The following IRX4 variants were observed in gnomAD, a reference collection of about 807,000 sequenced individuals.
IRX4 encodes iroquois homeobox 4.
A neutral mutation model predicts 32.0 loss-of-function variants in IRX4; 22 were observed. That is an observed-to-expected ratio of 0.69 (90% CI 0.49 to 0.98). IRX4 has a LOEUF of 0.98. Among genes scored for constraint, IRX4 ranks in the 50% least tolerant of loss-of-function variants. IRX4 has a pLI of 0.00. For synonymous variants in IRX4, 379 were observed against 351.7 expected, an observed-to-expected ratio of 1.08 and a Z score of -0.87; for missense variants, 840 against 744.2, an observed-to-expected ratio of 1.13 and a Z score of -1.50.
Position 1,878,677 on chromosome 5 carries a change from G to GCCGT in IRX4, c.848_851dup (p.Gly285ArgfsTer82). 1 of 1,595,576 alleles carries GCCGT rather than the reference G, an allele frequency of 6.3e-7. No homozygotes were observed. The highest frequency in any genetic ancestry group is 8.5e-7 in the Non-Finnish European group (1 of 1,171,770). On this transcript the variant is annotated frameshift_variant, in exon 5 of 5. Coordinates refer to ENST00000231357, the MANE Select transcript of IRX4 (RefSeq NM_016358.3). LOFTEE classifies it low-confidence loss of function (END_TRUNC). ...GCGCGGCGGGGACGCGCTCCAGACC[G>GCCGT]CCGTCCAGGGAGTGGAAGGGCGGCT...
Position 1,880,837 on chromosome 5 carries a change from G to A in IRX4, c.298-3C>T. ...CCATCCTTGGAATCAAAGCTGTTCT[G>A]TGGGAGCCAAGAGTCTGGGGTCGCA... On this transcript the variant is annotated splice_polypyrimidine_tract_variant and splice_region_variant and intron_variant, in intron 2 of 4. Transcript: ENST00000231357. The A allele has an allele frequency of 6.2e-7, 1 of 1,612,372 alleles. No homozygotes were observed. The highest frequency in any genetic ancestry group is 8.5e-7 in the Non-Finnish European group (1 of 1,178,860).
At chr5:1,879,073 A>G (rs573264173) in intron 4 of IRX4, among the ~76,000 whole-genome samples, 1,708 of 149,882 alleles carry the variant, frequency 0.011, 28 homozygotes, top group African/African-American at 0.04. Flanking sequence ...CTCACTGCAA[A>G]CTCCGCCTCC....
At position 1,879,577 on chromosome 5, in the gene IRX4, G is replaced by T. The variant is rs372257029; in HGVS notation, c.663C>A (p.Tyr221Ter). 1 of 1,613,760 alleles carries T rather than the reference G, an allele frequency of 6.2e-7. No individual in the cohort carries two copies. The highest frequency in any genetic ancestry group is 8.5e-7 in the Non-Finnish European group (1 of 1,180,022). Residue 221 changes from tyrosine (Y) to a stop codon, truncating the protein, a stop_gained, in exon 4 of 5, where the codon TAC becomes TAA. Coordinates refer to ENST00000231357, the MANE Select transcript of IRX4 (RefSeq NM_016358.3). LOFTEE classifies it high-confidence loss of function. ...RNKCADEKRP[Y>*]AEGEEEEGGE... Reference sequence around the variant, plus strand: ...CCCCCTCCTCCTCCTCGCCCTCCGCGTAGGGCCGCTTCTCGTCTGCGCACT... The same window carrying T: ...CCCCCTCCTCCTCCTCGCCCTCCGCTTAGGGCCGCTTCTCGTCTGCGCACT...
In IRX4 at chr5:1,878,641, C is replaced by T. The variant is rs1240594064; in HGVS notation, c.888G>A (p.Pro296=). 3 of 1,590,920 alleles carry T rather than the reference C, an allele frequency of 1.9e-6. No homozygotes were observed. The highest frequency in any genetic ancestry group is 1.3e-5 in the African/African-American group (1 of 74,108). Residue 296 remains proline, a synonymous_variant, in exon 5 of 5, where the codon CCG becomes CCA. Coordinates refer to ENST00000231357, the MANE Select transcript of IRX4 (RefSeq NM_016358.3). ...LERVPAAPDG[P]VKEASGALRM... is the part of the protein sequence containing the mutation. ...GGAGCGCGCCTGAGGCCTCCTTGAC[C>T]GGGCCGTCGGGCGCGGCGGGGACGC...
chr5:1,880,908 C>T, intron 2 of IRX4, 74 bp from the exon 3 acceptor site: 4 of 1,133,946 alleles, frequency 3.5e-6, no homozygotes, highest in Non-Finnish European at 4.0e-6. Context: ...CTAGGAGCCC[C>T]CCACTCCCAA....
At chr5:1,879,399 C>T in intron 4 of IRX4, 105 bp downstream of exon 4, 1 of 1,556,328 alleles carries the variant, frequency 6.4e-7, no homozygotes, top group South Asian at 1.2e-5. Context: ...ACCGCCTAGG[C>T]ATGGGGCTCG....
chr5:1,882,240 G>C (rs1182255102), intron 1 of IRX4, among the ~76,000 whole-genome samples, 181 bp from the exon 2 acceptor site: 1 of 150,302 alleles, frequency 6.7e-6, no homozygotes, highest in East Asian at 2.0e-4. Flanking sequence ...CCTCCGCCAC[G>C]TGGGGCCCAG....
In IRX4 at chr5:1,878,003, A is replaced by G. The variant is rs1328460569; in HGVS notation, c.1526T>C (p.Leu509Pro). Residue 509 changes from leucine to proline, a missense_variant, in exon 5 of 5, where the codon CTG becomes CCG. Physicochemically the swap from Leu to Pro is moderately conservative, Grantham distance 98 (BLOSUM62 -3). Transcript: ENST00000231357. ...GAAGGGTTTGCCGCCGGCCTTGGGC[A>G]GGGCGAGCAGCTCCCTGGCGGCGCC... is the stretch of plus-strand genomic sequence containing the variant. ...AAGAARELLA[L>P]PKAGGKPFCA 6.6e-6 allele frequency: 10 copies of G among 1,505,716 alleles called. No individual in the cohort carries two copies. In the East Asian group the frequency reaches 2.6e-4, roughly 39 times the overall value. The allele number at this position is 1,505,716 out of a possible 1,614,324, so 93.3% of individuals were successfully genotyped here.
chr5:1,886,633 C>T (rs993739944), upstream of IRX4, among the ~76,000 whole-genome samples: 2 of 152,132 alleles, frequency 1.3e-5, no homozygotes, highest in African/African-American at 2.4e-5. Flanking sequence ...CCGCTTGCTC[C>T]CTGGGTACGG....
In IRX4 at chr5:1,878,462, G is replaced by T. The variant is rs1025952165; in HGVS notation, c.1067C>A (p.Ala356Glu). ...AGCCTCCAGGCCTGCCGACGCCCCC[G>T]CCGGCACAAACCCCAGCTTGGCCTC... is the stretch of plus-strand genomic sequence containing the variant. ...VCEAKLGFVP[A>E]GASAGLEAKP... Residue 356 changes from alanine to glutamate, a missense_variant, in exon 5 of 5, where the codon GCG becomes GAG. This residue lies in a region of IRX4 where 585 missense variants were observed against 488.0 expected (regional missense o/e 1.20). Coordinates refer to ENST00000231357, the MANE Select transcript of IRX4 (RefSeq NM_016358.3). The T allele has an allele frequency of 2.7e-6, 4 of 1,454,918 alleles. No homozygotes were observed. The East Asian group carries it at 1.0e-4, about 38-fold the overall frequency. The allele number at this position is 1,454,918 out of a possible 1,614,324, so 90.1% of individuals were successfully genotyped here.
rs753385487 is a variant in IRX4, at chr5:1,879,591, C to G, written c.649G>C (p.Glu217Gln). 21 of 1,613,838 alleles carry G rather than the reference C, an allele frequency of 1.3e-5. No individual in the cohort carries two copies. In the African/African-American group the frequency reaches 2.5e-4, roughly 19 times the overall value. The change falls in exon 4 of 5, where the codon GAG becomes CAG. Residue 217 changes from glutamate to glutamine, a missense_variant. This residue lies in a region of IRX4 where 585 missense variants were observed against 488.0 expected (regional missense o/e 1.20). Transcript: ENST00000231357. ...TWPPRNKCAD[E>Q]KRPYAEGEEE... ...TCGCCCTCCGCGTAGGGCCGCTTCT[C>G]GTCTGCGCACTTGTTCCGCGGCGGC... is the stretch of plus-strand genomic sequence containing the variant.
rs1235867868 is a variant in IRX4 at position 1,878,634 on chromosome 5, C to T, written c.895G>A (p.Glu299Lys). ...GACATCCGGAGCGCGCCTGAGGCCTCCTTGACCGGGCCGTCGGGCGCGGCG... is the reference window on the plus strand; with the variant it reads ...GACATCCGGAGCGCGCCTGAGGCCTTCTTGACCGGGCCGTCGGGCGCGGCG... Reference protein sequence around the residue: ...VPAAPDGPVKEASGALRMSLA... With the variant: ...VPAAPDGPVKKASGALRMSLA... Residue 299 changes from glutamate (E) to lysine (K), a missense_variant, in exon 5 of 5, where the codon GAG (glutamate) becomes AAG (lysine). By Grantham distance (56) the Glu-to-Lys change is moderately conservative (BLOSUM62 1). Transcript: ENST00000231357. 13 of 1,585,934 alleles carry T rather than the reference C, an allele frequency of 8.2e-6. No homozygotes were observed. Among genetic ancestry groups the T allele is most frequent in the Non-Finnish European group, 1.1e-5 (13 of 1,166,926 alleles).
chr5:1,881,470 G>T (rs1036673873), intron 2 of IRX4, among the ~76,000 whole-genome samples: 1 of 151,930 alleles, frequency 6.6e-6, no homozygotes, highest in African/African-American at 2.4e-5. Context: ...CCTGAAGGAG[G>T]CGGGGAGAGG....
intron 4 of IRX4, 118 bp downstream of exon 4, chr5:1,879,386 G>GTGACCGCC: frequency 1.3e-6 from 2 of 1,511,912 alleles, no homozygotes; most frequent in Non-Finnish European, 9.0e-7. Context: ...GGTTTGCACG[G>GTGACCGCC]TGACCGCCTA....
chr5:1,882,342 T>C (rs1050121613), intron 1 of IRX4, among the ~76,000 whole-genome samples: 4 of 152,176 alleles, frequency 2.6e-5, no homozygotes, highest in Non-Finnish European at 5.9e-5. Context: ...CTTGGGGTCC[T>C]AGGACTCCCC....
In IRX4 at chr5:1,877,851, T is replaced by G; in HGVS notation, c.*118A>C. 1 of 947,258 alleles carries G rather than the reference T, an allele frequency of 1.1e-6. No homozygotes were observed. Among genetic ancestry groups the G allele is most frequent in the East Asian group, 3.0e-5 (1 of 33,818 alleles). 58.7% of individuals were successfully genotyped at this position (947,258 alleles called of 1,614,324 possible). On this transcript the variant is annotated 3_prime_UTR_variant, in exon 5 of 5. Coordinates refer to ENST00000231357, the MANE Select transcript of IRX4 (RefSeq NM_016358.3). ...GGAGTCCAAGTTCAGAAGCCCCCTCTCCGGTGGGTTGGCGGCTTCGCGGTG... is the reference window on the plus strand; with the variant it reads ...GGAGTCCAAGTTCAGAAGCCCCCTCGCCGGTGGGTTGGCGGCTTCGCGGTG...
intron 4 of IRX4, among the ~76,000 whole-genome samples, chr5:1,879,244 G>A (rs1579250158): frequency 1.3e-5 from 2 of 152,184 alleles, no homozygotes; most frequent in South Asian, 4.1e-4. Context: ...GCCCGCCTCT[G>A]CCTTCCAAAG....
chr5:1,886,051 G>T (rs1321465156), upstream of IRX4, among the ~76,000 whole-genome samples: 1 of 152,258 alleles, frequency 6.6e-6, no homozygotes, highest in Non-Finnish European at 1.5e-5. Context: ...GGAGGACCAG[G>T]GCCGGAGCAG....
chr5:1,880,759 A>T lies in IRX4; in HGVS notation c.373T>A (p.Tyr125Asn). 1 of 1,613,680 alleles carries T rather than the reference A, an allele frequency of 6.2e-7. No homozygotes were observed. ...LAPAAAAYYP[Y>N]EPALGQYPYD... ...GGGTACTGGCCCAGAGCTGGCTCGT[A>T]AGGGTAGTAGGCGGCAGCGGCTGGT... The change falls in exon 3 of 5, where the codon TAC becomes AAC. Residue 125 changes from tyrosine (Y) to asparagine (N), a missense_variant. By Grantham distance (143) the Tyr-to-Asn change is moderately radical (BLOSUM62 -2). This residue lies in a region of IRX4 where 241 missense variants were observed against 220.8 expected (regional missense o/e 1.09). Transcript: ENST00000231357.
Sources: gnomAD v4.1 joint callset for allele counts (sites outside exome capture counted in the v4.1 genomes callset) on GRCh38, gnomAD v4.1.1 for gene constraint, gnomAD v4.1.1 regional missense constraint, MANE v1.5 for transcripts, NCBI Gene and HGNC (gene_info 2026-07-23, HGNC 2026-07-21) for gene names.